RARB: variants seen among roughly 807,000 people sequenced by gnomAD.
RARB encodes the protein HBV-activated protein.
RARB carries 17 observed loss-of-function variants against 51.9 expected under a neutral mutation model. That is an observed-to-expected ratio of 0.33 (90% CI 0.22 to 0.49). The LOEUF (loss-of-function observed/expected upper bound fraction) is 0.49, where lower values mean the gene tolerates loss of function less well. Ranked by LOEUF, RARB falls within the 20% of genes least tolerant of loss-of-function variation. RARB has a pLI of 0.99. For synonymous variants in RARB, 215 were observed against 195.4 expected (o/e 1.10, Z -0.84); for missense variants, 369 against 550.8 (o/e 0.67, Z 3.30).
At chr3:25,542,157 C>T (rs1054456517) in intron 3 of RARB, among the ~76,000 whole-genome samples, 3 of 152,198 alleles carry the variant, frequency 2.0e-5, no homozygotes, top group Admixed American at 6.5e-5. Context: ...ATTGTATCAT[C>T]GGATTCTGAG....
intron 2 of RARB, among the ~76,000 whole-genome samples, chr3:25,479,257 C>T (rs1409281124): frequency 6.6e-6 from 1 of 152,032 alleles, no homozygotes; most frequent in Non-Finnish European, 1.5e-5. Flanking sequence ...TTAAAAACTA[C>T]TCAGTGAATC....
chr3:25,136,424 T>C (rs1242742791), intron 4 of RARB, among the ~76,000 whole-genome samples: 1 of 152,054 alleles, frequency 6.6e-6, no homozygotes, highest in African/African-American at 2.4e-5. Context: ...TATGGGTTAC[T>C]GTGAAAACTT....
chr3:24,908,675 T>G (rs1559391785), intron 2 of RARB, among the ~76,000 whole-genome samples: 2 of 146,850 alleles, frequency 1.4e-5, no homozygotes, highest in Middle Eastern at 3.4e-3. Context: ...TTTTTTTTTT[T>G]TTTTTTTTTT....
chr3:24,969,521 C>A (rs941125660), intron 2 of RARB, among the ~76,000 whole-genome samples: 4 of 152,102 alleles, frequency 2.6e-5, no homozygotes, highest in African/African-American at 9.7e-5. Flanking sequence ...AGGGGTTGAG[C>A]TCAATCTCTG....
At position 24,993,532 on chromosome 3, in the gene RARB, G is replaced by C. The variant is rs950926408; in HGVS notation, c.-379-66593G>C. On this transcript the variant is annotated intron_variant, in intron 2 of 11. Coordinates refer to the RARB transcript ENST00000383772. Reference sequence around the variant, plus strand: ...AATATTGACTATGTTGGGAACATTCGATATTCTCCTTCTGGCTATTTGAAA... The same window carrying C: ...AATATTGACTATGTTGGGAACATTCCATATTCTCCTTCTGGCTATTTGAAA... 2.6e-5 allele frequency among the ~76,000 whole-genome samples: 4 copies of C among 151,960 alleles called. No individual in the cohort carries two copies. In the South Asian group the frequency reaches 8.3e-4, roughly 32 times the overall value.
intron 2 of RARB, among the ~76,000 whole-genome samples, chr3:24,920,804 T>G (rs759730480): frequency 1.1e-4 from 17 of 152,212 alleles, no homozygotes; most frequent in Non-Finnish European, 2.5e-4. Flanking sequence ...TTAGTCTCTC[T>G]CACTTTGTCA....
intron 5 of RARB, among the ~76,000 whole-genome samples, chr3:25,366,275 G>A (rs962941574): frequency 3.3e-5 from 5 of 152,188 alleles, no homozygotes; most frequent in African/African-American, 1.2e-4. Context: ...AAGTAGTAGA[G>A]AAAAGATTTG....
At chr3:24,986,239 T>C (rs2125430492) in intron 2 of RARB, among the ~76,000 whole-genome samples, 1 of 152,340 alleles carries the variant, frequency 6.6e-6, no homozygotes, top group South Asian at 2.1e-4. Context: ...ACTTTAAAAT[T>C]ATACAGAACA....
At chr3:24,948,142 C>G (rs1423081003) in intron 2 of RARB, among the ~76,000 whole-genome samples, 1 of 152,086 alleles carries the variant, frequency 6.6e-6, no homozygotes, top group African/African-American at 2.4e-5. Context: ...TACTTCAGAC[C>G]ATTGAAAGGG....
chr3:25,344,874 G>C (rs894810597), intron 5 of RARB, among the ~76,000 whole-genome samples: 4 of 152,206 alleles, frequency 2.6e-5, no homozygotes, highest in East Asian at 1.9e-4. Flanking sequence ...GGGAGCTAGA[G>C]AGAGTGGAAA....
chr3:24,871,333 T>C (rs1425096374), intron 2 of RARB, among the ~76,000 whole-genome samples: 1 of 152,198 alleles, frequency 6.6e-6, no homozygotes, highest in African/African-American at 2.4e-5. Flanking sequence ...TGATGGTCAA[T>C]CAAATGGTCA....
At chr3:24,934,396 GT>G (rs1218287465) in intron 2 of RARB, among the ~76,000 whole-genome samples, 1 of 152,056 alleles carries the variant, frequency 6.6e-6, no homozygotes, top group Non-Finnish European at 1.5e-5. Flanking sequence ...TTCATGTACT[GT>G]TCAGATGACT....
intron 2 of RARB, among the ~76,000 whole-genome samples, chr3:24,922,866 T>C (rs1695247538): frequency 6.6e-6 from 1 of 152,176 alleles, no homozygotes; most frequent in Admixed American, 6.5e-5. Context: ...TATAGACCCT[T>C]AGAGTCTTCA....
chr3:24,904,281 G>A (rs189527932), intron 2 of RARB, among the ~76,000 whole-genome samples: 19 of 152,182 alleles, frequency 1.2e-4, no homozygotes, highest in Admixed American at 9.8e-4. Context: ...CAGACACCAC[G>A]ATGGGATTAA....
At chr3:25,065,594 G>A (rs994435636) in intron 3 of RARB, among the ~76,000 whole-genome samples, 7 of 152,196 alleles carry the variant, frequency 4.6e-5, no homozygotes, top group African/African-American at 1.2e-4. Context: ...ATACAGATAC[G>A]ATTGTTCTAC....
intron 2 of RARB, among the ~76,000 whole-genome samples, chr3:25,488,077 C>T (rs1227403611): frequency 2.0e-5 from 3 of 152,160 alleles, no homozygotes; most frequent in African/African-American, 7.2e-5. Context: ...ATTGGCCCCA[C>T]AATTCCCCAA....
intron 2 of RARB, among the ~76,000 whole-genome samples, chr3:25,016,588 GTACGGTGGA>G (rs1697513734): frequency 6.6e-6 from 1 of 152,196 alleles, no homozygotes; most frequent in Non-Finnish European, 1.5e-5. Flanking sequence ...TTAGAAGAAA[GTACGGTGGA>G]TACAATCATC....
rs546128037 is a variant in RARB at position 25,579,027 on chromosome 3, G to A, written c.610-1519G>A. Among the ~76,000 whole-genome samples the A allele has an allele frequency of 2.0e-5, 3 of 152,220 alleles. No individual in the cohort carries two copies. The South Asian group carries it at 6.2e-4, about 32-fold the overall frequency. ...CTAAATGAAAGAAGCTCCTGCAAAC[G>A]AAAGTAAAGCATCAGTGCCATTATT... On this transcript the variant is annotated intron_variant, in intron 4 of 7. Coordinates refer to ENST00000330688, the MANE Select transcript of RARB (RefSeq NM_000965.5).
intron 1 of RARB, chr3:24,858,627 G>T (rs1702678021): frequency 1.3e-5 from 2 of 152,112 alleles, no homozygotes; most frequent in South Asian, 4.2e-4. Context: ...TTCTTTTTCT[G>T]CATTGTGATG....
Sources: allele counts gnomAD v4.1 joint callset (sites outside exome capture counted in the v4.1 genomes callset), GRCh38; gene constraint gnomAD v4.1.1; transcripts MANE v1.5; gene names NCBI Gene and HGNC (gene_info 2026-07-23, HGNC 2026-07-21).